The following MCOLN2 variants were observed in gnomAD, a reference collection of about 807,000 sequenced individuals.
The protein encoded by MCOLN2 is mucolipin-2.
In MCOLN2, 57 loss-of-function variants were observed where a neutral mutation model predicts 67.5. That is an observed-to-expected ratio of 0.84 (90% CI 0.68 to 1.05). The LOEUF is 1.05. Among genes scored for constraint, MCOLN2 ranks in the 50% least tolerant of loss-of-function variants. MCOLN2 has a pLI of 0.00. For missense variants in MCOLN2, 620 were observed against 678.8 expected, an observed-to-expected ratio of 0.91 and a Z score of 0.96; for synonymous variants, 246 against 233.3, an observed-to-expected ratio of 1.05 and a Z score of -0.50.
At chr1:84,933,161 T>C (rs1265974135) in intron 11 of MCOLN2, among the ~76,000 whole-genome samples, 2 of 152,148 alleles carry the variant, frequency 1.3e-5, no homozygotes, top group African/African-American at 2.4e-5. Flanking sequence ...CATTTCAGAG[T>C]GTACTTCAAG....
At chr1:84,987,477 TA>T (rs1650605061) in intron 1 of MCOLN2, among the ~76,000 whole-genome samples, 2 of 33,602 alleles carry the variant, frequency 6.0e-5, no homozygotes, top group Non-Finnish European at 1.2e-4. Context: ...TATAGATATA[TA>T]TACATATATA....
chr1:84,948,581 AGACCCCAAAGAAAAG>A (rs1570974202), intron 6 of MCOLN2, among the ~76,000 whole-genome samples: 1 of 152,234 alleles, frequency 6.6e-6, no homozygotes, highest in Non-Finnish European at 1.5e-5. Context: ...CTCAAGTAGC[AGACCCCAAAGAAAAG>A]GATATTCATT....
rs181749625 is a variant in MCOLN2 at position 84,984,725 on chromosome 1, G to A, written c.77+12071C>T. On this transcript the variant is annotated intron_variant, in intron 1 of 13. Coordinates refer to ENST00000370608, the MANE Select transcript of MCOLN2 (RefSeq NM_153259.4). Reference sequence around the variant, plus strand: ...AAATAACTCAATATGGCCAAATGTGGTGGTTCTTGCCTGTAATCCTAGCAC... The same window carrying A: ...AAATAACTCAATATGGCCAAATGTGATGGTTCTTGCCTGTAATCCTAGCAC... 4.6e-3 allele frequency among the ~76,000 whole-genome samples: 701 copies of A among 152,312 alleles called. 2 individuals are homozygous for A. Among genetic ancestry groups the A allele is most frequent in the Middle Eastern group, 0.02 (6 of 294 alleles).
intron 11 of MCOLN2, among the ~76,000 whole-genome samples, chr1:84,934,986 T>C (rs1209286389): frequency 6.6e-6 from 1 of 152,208 alleles, no homozygotes; most frequent in Non-Finnish European, 1.5e-5. Flanking sequence ...TTTAGTTGTT[T>C]TGTTTTAAAG....
chr1:84,959,526 C>T (rs1648966157), intron 2 of MCOLN2, among the ~76,000 whole-genome samples: 1 of 152,186 alleles, frequency 6.6e-6, no homozygotes, highest in East Asian at 1.9e-4. Flanking sequence ...ACTACACACA[C>T]AGCTACACAC....
At chr1:84,950,552 A>G (rs992354110) in intron 6 of MCOLN2, among the ~76,000 whole-genome samples, 2 of 152,234 alleles carry the variant, frequency 1.3e-5, no homozygotes, top group African/African-American at 4.8e-5. Context: ...GCTGAACTTA[A>G]GATGTCCAAA....
chr1:84,981,261 C>T lies in MCOLN2; in HGVS notation c.77+15535G>A, dbSNP rs1049961093. On this transcript the variant is annotated intron_variant, in intron 1 of 13. Coordinates refer to ENST00000370608, the MANE Select transcript of MCOLN2 (RefSeq NM_153259.4). ...AACAGTTTGGAGGTTCCTCAAAAAA[C>T]TAAAAATAGAGCTACCATATGATCT... is the stretch of plus-strand genomic sequence containing the variant. Among the ~76,000 whole-genome samples the T allele has an allele frequency of 4.6e-5, 7 of 152,152 alleles. No individual in the cohort carries two copies. In the East Asian group the frequency reaches 1.3e-3, roughly 29 times the overall value.
intron 1 of MCOLN2, among the ~76,000 whole-genome samples, chr1:84,968,870 G>A (rs552871590): frequency 6.6e-6 from 1 of 152,216 alleles, no homozygotes; most frequent in Non-Finnish European, 1.5e-5. Context: ...CTGGAAGAAG[G>A]AAGGCTGCAC....
In MCOLN2 at chr1:84,961,726, T is replaced by C. The variant is rs549118737; in HGVS notation, c.238-3024A>G. On this transcript the variant is annotated intron_variant, in intron 2 of 13. Transcript: ENST00000370608. ...CATCCTAGTCCCACTAATTAGACAT[T>C]AAGATTTGCTGAGAGTATGATACAA... Among the ~76,000 whole-genome samples, 4 of 152,214 alleles carry C rather than the reference T, an allele frequency of 2.6e-5. No homozygotes were observed. In the East Asian group the frequency reaches 7.7e-4, roughly 29 times the overall value.
chr1:84,948,734 C>G (rs1277945636), intron 6 of MCOLN2, among the ~76,000 whole-genome samples: 1 of 152,174 alleles, frequency 6.6e-6, no homozygotes, highest in Non-Finnish European at 1.5e-5. Flanking sequence ...AGAGACATAG[C>G]ATAAAAAAGA....
At chr1:84,967,013 A>C (rs1649413794) in intron 1 of MCOLN2, among the ~76,000 whole-genome samples, 1 of 152,254 alleles carries the variant, frequency 6.6e-6, no homozygotes, top group Non-Finnish European at 1.5e-5. Flanking sequence ...AGTAGTATCC[A>C]GTAGCATATC....
intron 6 of MCOLN2, among the ~76,000 whole-genome samples, chr1:84,949,358 G>A (rs1648288192): frequency 6.6e-6 from 1 of 152,180 alleles, no homozygotes; most frequent in Non-Finnish European, 1.5e-5. Context: ...CTGCAAATAG[G>A]CCGGGCGCGG....
chr1:84,938,754 G>A (rs1442606100), intron 9 of MCOLN2, among the ~76,000 whole-genome samples: 18 of 152,184 alleles, frequency 1.2e-4, no homozygotes, highest in Admixed American at 1.2e-3. Context: ...AGGGGCAGGA[G>A]CAAGAGGCAG....
chr1:84,992,607 G>C (rs886675609), intron 1 of MCOLN2, among the ~76,000 whole-genome samples: 1 of 152,206 alleles, frequency 6.6e-6, no homozygotes, highest in African/African-American at 2.4e-5. Flanking sequence ...ACACCTCAGA[G>C]ATATTGCAAG....
chr1:84,975,203 C>A (rs1010229932), intron 1 of MCOLN2, among the ~76,000 whole-genome samples: 1 of 152,108 alleles, frequency 6.6e-6, no homozygotes. Context: ...CAGGAAGTAG[C>A]CAGGGAGTAG....
At chr1:84,932,502 T>C (rs1052901509) in intron 11 of MCOLN2, among the ~76,000 whole-genome samples, 5 of 152,174 alleles carry the variant, frequency 3.3e-5, no homozygotes, top group African/African-American at 1.2e-4. Context: ...CATGAGCCAC[T>C]GTGCTCAGCT....
intron 12 of MCOLN2, among the ~76,000 whole-genome samples, 196 bp downstream of exon 12, chr1:84,931,166 C>T (rs995360097): frequency 6.6e-6 from 1 of 152,146 alleles, no homozygotes; most frequent in African/African-American, 2.4e-5. Context: ...TTTCCCACCA[C>T]CCCTCCAAAC....
chr1:84,926,746 A>G, intron 13 of MCOLN2, 25 bp from the exon 14 acceptor site: 1 of 1,574,674 alleles, frequency 6.4e-7, no homozygotes, highest in East Asian at 2.3e-5. Flanking sequence ...GAAAGAAGAA[A>G]AGAGGAAAGA....
chr1:84,981,305 T>G (rs535535477), intron 1 of MCOLN2, among the ~76,000 whole-genome samples: 165 of 152,256 alleles, frequency 1.1e-3, no homozygotes, highest in African/African-American at 3.9e-3. Flanking sequence ...CACTGCTGGG[T>G]ATATGCCAAA....
Sources: allele counts gnomAD v4.1 joint callset (sites outside exome capture counted in the v4.1 genomes callset), GRCh38; gene constraint gnomAD v4.1.1; transcripts MANE v1.5; gene names NCBI Gene and HGNC (gene_info 2026-07-23, HGNC 2026-07-21).